The following OC90 variants were observed in gnomAD, a reference collection of about 807,000 sequenced individuals.
OC90 encodes the protein otoconin 90, also known as otoconin-90.
Under a neutral mutation model 47.3 loss-of-function variants are expected in OC90, and 46 were observed. The ratio of observed to expected loss-of-function variants is 0.97; its 90% confidence interval spans 0.77 to 1.24. OC90 has a LOEUF of 1.24. OC90 is among the 50% of genes most tolerant of loss of function. The pLI is 0.00. For synonymous variants in OC90, 271 were observed against 219.5 expected, an observed-to-expected ratio of 1.23 and a Z score of -2.07; for missense variants, 688 against 583.9, an observed-to-expected ratio of 1.18 and a Z score of -1.84.
intron 2 of OC90, 104 bp from the exon 3 acceptor site, chr8:132,045,987 A>T: frequency 1.4e-6 from 1 of 695,200 alleles, no homozygotes; most frequent in Non-Finnish European, 2.6e-6. Context: ...GGGAATTCAC[A>T]TAAATTCAAT....
At position 132,037,840 on chromosome 8, in the gene OC90, T is replaced by A. The variant is rs539994980; in HGVS notation, c.629-352A>T. On this transcript the variant is annotated intron_variant, in intron 8 of 13. Transcript: ENST00000254627. ...CAGGGGGTGTTGAGGATAAAAACAG[T>A]GCTGGACTCAGAAGATACATAGAGA... is the stretch of plus-strand genomic sequence containing the variant. Among the ~76,000 whole-genome samples, 4 of 152,188 alleles carry A rather than the reference T, an allele frequency of 2.6e-5. No homozygotes were observed. In the South Asian group the frequency reaches 8.3e-4, roughly 32 times the overall value.
At chr8:132,048,013 CT>C (rs1353222212) in intron 2 of OC90, among the ~76,000 whole-genome samples, 1 of 152,198 alleles carries the variant, frequency 6.6e-6, no homozygotes, top group East Asian at 1.9e-4. Flanking sequence ...TCCATTTGCC[CT>C]TCCGCACTTC....
intron 6 of OC90, among the ~76,000 whole-genome samples, chr8:132,039,567 C>T (rs908509480): frequency 2.0e-5 from 3 of 152,164 alleles, no homozygotes; most frequent in Admixed American, 2.0e-4. Flanking sequence ...GTCCCAGCGT[C>T]TTCCCACCTC....
chr8:132,032,742 C>T lies in OC90; in HGVS notation c.859+297G>A, dbSNP rs888251597. On this transcript the variant is annotated intron_variant, in intron 11 of 13. Coordinates refer to ENST00000254627, the MANE Select transcript of OC90 (RefSeq NM_001080399.3). ...GTGCTTCATGCTTTCCAATAAAGCA[C>T]GGTGTGGACGAAGCCAAGCTCTTTC... Among the ~76,000 whole-genome samples, 43 of 152,106 alleles carry T rather than the reference C, an allele frequency of 2.8e-4. 1 individual carries two copies. The highest frequency in any genetic ancestry group is 4.7e-4 in the Non-Finnish European group (32 of 68,016).
chr8:132,035,226 G>A (rs1302631481), intron 9 of OC90, among the ~76,000 whole-genome samples: 1 of 152,208 alleles, frequency 6.6e-6, no homozygotes, highest in African/African-American at 2.4e-5. Flanking sequence ...GTGACTCCAG[G>A]AAAACCACTG....
intron 8 of OC90, 70 bp from the exon 9 acceptor site, chr8:132,037,558 A>G: frequency 1.4e-6 from 2 of 1,396,068 alleles, no homozygotes; most frequent in Non-Finnish European, 2.0e-6. Flanking sequence ...CAGGGTCTCA[A>G]AGGAAAACAG....
In OC90 at chr8:132,045,900, G is replaced by T. The variant is rs1283039026; in HGVS notation, c.47-17C>A. 1 of 1,465,920 alleles carries T rather than the reference G, an allele frequency of 6.8e-7. No individual in the cohort carries two copies. The highest frequency in any genetic ancestry group is 9.4e-7 in the Non-Finnish European group (1 of 1,069,120). 90.8% of individuals were successfully genotyped at this position (1,465,920 alleles called of 1,614,324 possible). On this transcript the variant is annotated splice_polypyrimidine_tract_variant and intron_variant, in intron 2 of 13. Transcript: ENST00000254627. ...GATGGCCTCCTATAAATAAGGAAGA[G>T]AAAGTAGGGTAAGCACAAACACTGA...
intron 2 of OC90, among the ~76,000 whole-genome samples, chr8:132,048,852 C>T (rs1195516567): frequency 6.6e-6 from 1 of 151,520 alleles, no homozygotes; most frequent in Non-Finnish European, 1.5e-5. Context: ...GAGGCACAGT[C>T]TACAAGAGGG....
Position 132,039,047 on chromosome 8 carries a change from G to T in OC90, c.534C>A (p.Leu178=). 1 of 1,613,958 alleles carries T rather than the reference G, an allele frequency of 6.2e-7. No individual in the cohort carries two copies. ...AAIECLARSS[L]NSSLNLLDTS... The stretch of plus-strand genomic sequence containing the variant: ...TGTCCAGAAGGTTCAGGGAAGAGTT[G>T]AGGCTGGATCGAGCCAAGCACTCTA... The change falls in exon 7 of 14, where the codon CTC becomes CTA. Residue 178 remains leucine, a synonymous_variant. Coordinates refer to ENST00000254627, the MANE Select transcript of OC90 (RefSeq NM_001080399.3).
chr8:132,032,732 C>T (rs1027681042), intron 11 of OC90, among the ~76,000 whole-genome samples: 1 of 152,142 alleles, frequency 6.6e-6, no homozygotes, highest in Admixed American at 6.5e-5. Context: ...TCATGCTTTC[C>T]AATAAAGCAC....
rs1823226450 is a variant in OC90 at position 132,052,517 on chromosome 8, A to C, written c.46+2464T>G. ...AATCTTATTACCTATAGATGTTAATAAGGTGTGCTTTCTCACCCACACTCA... is the reference window on the plus strand; with the variant it reads ...AATCTTATTACCTATAGATGTTAATCAGGTGTGCTTTCTCACCCACACTCA... On this transcript the variant is annotated intron_variant, in intron 2 of 13. Transcript: ENST00000254627. 3.9e-5 allele frequency among the ~76,000 whole-genome samples: 6 copies of C among 152,214 alleles called. No individual in the cohort carries two copies. In the South Asian group the frequency reaches 1.2e-3, roughly 32 times the overall value.
At chr8:132,049,425 C>T (rs745800408) in intron 2 of OC90, among the ~76,000 whole-genome samples, 2 of 152,166 alleles carry the variant, frequency 1.3e-5, no homozygotes, top group Non-Finnish European at 2.9e-5. Context: ...TCAAAACTTG[C>T]GTCCTTTATG....
At chr8:132,042,505 G>A (rs923442006) in intron 4 of OC90, among the ~76,000 whole-genome samples, 1 of 152,092 alleles carries the variant, frequency 6.6e-6, no homozygotes, top group African/African-American at 2.4e-5. Context: ...TACCCAACCG[G>A]GGTTTTTTCA....
chr8:132,031,462 A>T, intron 12 of OC90, among the ~76,000 whole-genome samples: 1 of 152,250 alleles, frequency 6.6e-6, no homozygotes, highest in African/African-American at 2.4e-5. Flanking sequence ...GCTAATTTTA[A>T]TGTGGCCTTC....
intron 2 of OC90, among the ~76,000 whole-genome samples, chr8:132,054,726 G>C (rs1320322760): frequency 6.6e-6 from 1 of 152,188 alleles, no homozygotes; most frequent in African/African-American, 2.4e-5. Flanking sequence ...AAAAATGTTT[G>C]TAAACACTTA....
At chr8:132,024,821 T>C in intron 13 of OC90, 45 bp from the exon 14 acceptor site, 1 of 1,554,452 alleles carries the variant, frequency 6.4e-7, no homozygotes, top group Non-Finnish European at 8.7e-7. Context: ...CCTCTGAGGA[T>C]GGCACTGGGA....
chr8:132,038,697 T>C (rs1823005797), intron 8 of OC90, 93 bp downstream of exon 8: 3 of 971,570 alleles, frequency 3.1e-6, no homozygotes, highest in East Asian at 5.0e-5. Flanking sequence ...CCAGCTCCAG[T>C]GAGGCAGGCC....
chr8:132,038,104 G>A (rs192375634), intron 8 of OC90, among the ~76,000 whole-genome samples: 2 of 152,248 alleles, frequency 1.3e-5, no homozygotes, highest in Admixed American at 6.5e-5. Context: ...ATCCCCAGAT[G>A]CCTAAAGGTG....
rs201361768 is a variant in OC90, at chr8:132,041,020, C to G, written c.457+24G>C. On this transcript the variant is annotated intron_variant, in intron 6 of 13. Coordinates refer to ENST00000254627, the MANE Select transcript of OC90 (RefSeq NM_001080399.3). Reference sequence around the variant, plus strand: ...GGACTGTCATTTCTGGGCCCAGGCCCCTGGGACACCTGGAGATGCTTACCA... The same window carrying G: ...GGACTGTCATTTCTGGGCCCAGGCCGCTGGGACACCTGGAGATGCTTACCA... The G allele has an allele frequency of 1.0e-3, 1,443 of 1,410,368 alleles. 1 individual carries two copies. The highest frequency in any genetic ancestry group is 1.3e-3 in the Non-Finnish European group (1,330 of 994,148). 87.4% of individuals were successfully genotyped at this position (1,410,368 alleles called of 1,614,324 possible).
Sources: gnomAD v4.1 joint callset for allele counts (sites outside exome capture counted in the v4.1 genomes callset) on GRCh38, gnomAD v4.1.1 for gene constraint, MANE v1.5 for transcripts, NCBI Gene and HGNC (gene_info 2026-07-23, HGNC 2026-07-21) for gene names.